TNFSF14: variants seen among roughly 807,000 people sequenced by gnomAD.
TNFSF14 encodes TNF superfamily member 14.
In TNFSF14, 15 loss-of-function variants were observed where a neutral mutation model predicts 22.7. That is an observed-to-expected ratio of 0.66 (90% CI 0.44 to 1.02). The LOEUF (loss-of-function observed/expected upper bound fraction) is 1.02. Among genes scored for constraint, TNFSF14 ranks in the 50% least tolerant of loss-of-function variants. The pLI is 0.00. For synonymous variants in TNFSF14, 133 were observed against 139.6 expected (o/e 0.95, Z 0.33); for missense variants, 287 against 326.2 (o/e 0.88, Z 0.93).
rs369516171 is a variant in TNFSF14, at chr19:6,664,832, G to T, written c.*94C>A. Reference sequence around the variant, plus strand: ...TGGGATTACAGGCGAGAGCCACCACGCCCAGCCTCTGCTTCGTGAGTTTTC... The same window carrying T: ...TGGGATTACAGGCGAGAGCCACCACTCCCAGCCTCTGCTTCGTGAGTTTTC... On this transcript the variant is annotated 3_prime_UTR_variant, in exon 4 of 4. Coordinates refer to ENST00000675206, the MANE Select transcript of TNFSF14 (RefSeq NM_001376887.1). This position sits in a 1 kb window ranked among gnomAD's most constrained non-coding sequence, Gnocchi z 4.7. The T allele has an allele frequency of 2.0e-6, 3 of 1,468,110 alleles. No homozygotes were observed. In the East Asian group the frequency reaches 6.9e-5, roughly 34 times the overall value. 90.9% of individuals were successfully genotyped at this position (1,468,110 alleles called of 1,614,324 possible). A position where few individuals can be genotyped will look rare whatever the true frequency, so the allele number is the denominator to read the frequency against.
At position 6,670,093 on chromosome 19, in the gene TNFSF14, T is replaced by C. The variant is rs116334574; in HGVS notation, c.-24A>G. 7.4e-4 allele frequency: 1,184 copies of C among 1,609,624 alleles called. 7 individuals are homozygous for C. In the African/African-American group the frequency reaches 0.014, roughly 19 times the overall value. ...ATGCCCAAGGTGTCTGGAGCAGGGC[T>C]GACACGCCTGGGTCCTTCAACCTCA... On this transcript the variant is annotated 5_prime_UTR_variant, in exon 1 of 4. Transcript: ENST00000675206.
chr19:6,670,415 GC>G, upstream of TNFSF14: 1 of 445,008 alleles, frequency 2.2e-6, no homozygotes, highest in Non-Finnish European at 3.3e-6. Flanking sequence ...AGGACTTTCT[GC>G]CCATGCCAGG....
rs1470578517 is a variant in TNFSF14 at position 6,670,097 on chromosome 19, A to G, written c.-28T>C. On this transcript the variant is annotated 5_prime_UTR_variant, in exon 1 of 4. Transcript: ENST00000675206. ...CCAAGGTGTCTGGAGCAGGGCTGAC[A>G]CGCCTGGGTCCTTCAACCTCAGAGG... The G allele has an allele frequency of 3.7e-6, 6 of 1,607,374 alleles. No homozygotes were observed. In the African/African-American group the frequency reaches 8.0e-5, roughly 21 times the overall value.
At chr19:6,669,802 G>T in intron 1 of TNFSF14, 49 bp downstream of exon 1, 1 of 1,595,550 alleles carries the variant, frequency 6.3e-7, no homozygotes. Context: ...AATGACACAG[G>T]GGAGCCCCCC....
rs1056159361 is a variant in TNFSF14, at chr19:6,670,105, G to T, written c.-36C>A. 1 of 1,605,924 alleles carries T rather than the reference G, an allele frequency of 6.2e-7. No homozygotes were observed. The highest frequency in any genetic ancestry group is 1.3e-5 in the African/African-American group (1 of 74,754). On this transcript the variant is annotated 5_prime_UTR_variant, in exon 1 of 4. Coordinates refer to ENST00000675206, the MANE Select transcript of TNFSF14 (RefSeq NM_001376887.1). ...TCTGGAGCAGGGCTGACACGCCTGG[G>T]TCCTTCAACCTCAGAGGAAACCGAA...
In TNFSF14 at chr19:6,665,309, A is replaced by G. The variant is rs769901088; in HGVS notation, c.340T>C (p.Trp114Arg). 1.2e-6 allele frequency: 2 copies of G among 1,607,960 alleles called. No homozygotes were observed. Among genetic ancestry groups the G allele is most frequent in the East Asian group, 4.5e-5 (2 of 44,744 alleles). Reference protein sequence around the residue: ...SLTGSGGPLLWETQLGLAFLR... With the variant: ...SLTGSGGPLLRETQLGLAFLR... ...AAGGCCAGGCCCAGCTGAGTCTCCCATAACAGCGGCCCCCCGCTGCCGGTC... is the reference window on the plus strand; with the variant it reads ...AAGGCCAGGCCCAGCTGAGTCTCCCGTAACAGCGGCCCCCCGCTGCCGGTC... The change falls in exon 4 of 4, where the codon TGG becomes CGG. Residue 114 changes from tryptophan (W) to arginine (R), a missense_variant. Trp to Arg is a moderately radical substitution (Grantham distance 101). Transcript: ENST00000675206.
intron 1 of TNFSF14, among the ~76,000 whole-genome samples, chr19:6,667,795 C>T (rs1459748815): frequency 2.6e-5 from 4 of 152,248 alleles, no homozygotes; most frequent in Non-Finnish European, 5.9e-5. Flanking sequence ...AATCCCAGCA[C>T]TTCGGGAGGC....
At chr19:6,667,189 C>T in intron 2 of TNFSF14, 35 bp from the exon 3 acceptor site, 1 of 1,535,964 alleles carries the variant, frequency 6.5e-7, no homozygotes. Context: ...GAGACGAAGA[C>T]AGTGGAGGTA....
In TNFSF14 at chr19:6,662,961, C is replaced by T. The variant is rs1917284602; in HGVS notation, c.*1965G>A. 1 of 152,198 alleles carries T rather than the reference C, an allele frequency of 6.6e-6. No homozygotes were observed. Among genetic ancestry groups the T allele is most frequent in the Non-Finnish European group, 1.5e-5 (1 of 68,042 alleles). 9.4% of individuals were successfully genotyped at this position (152,198 alleles called of 1,614,324 possible). On this transcript the variant is annotated 3_prime_UTR_variant, in exon 4 of 4. Transcript: ENST00000675206. The stretch of plus-strand genomic sequence containing the variant: ...GACTTGAGCCAACTGGGTCCAGGTT[C>T]CTCATCTGTAGAATGACCTCCATGG...
At chr19:6,667,676 C>G (rs1322097040) in intron 1 of TNFSF14, among the ~76,000 whole-genome samples, 2 of 152,218 alleles carry the variant, frequency 1.3e-5, no homozygotes, top group Non-Finnish European at 2.9e-5. Flanking sequence ...CGAATCGTGT[C>G]TGCTTGGCGT....
rs1403969400 is a variant in TNFSF14 at position 6,662,908 on chromosome 19, C to T, written c.*2018G>A. The T allele has an allele frequency of 6.6e-6, 1 of 152,170 alleles. No homozygotes were observed. The highest frequency in any genetic ancestry group is 1.5e-5 in the Non-Finnish European group (1 of 68,054). The allele number at this position is 152,170 out of a possible 1,614,324, so 9.4% of individuals were successfully genotyped here. ...AGGAAGCCAGATCCAGACGTGAGGT[C>T]TCTGGTTTCCCCCACATTTCCTGCA... is the stretch of plus-strand genomic sequence containing the variant. On this transcript the variant is annotated 3_prime_UTR_variant, in exon 4 of 4. Coordinates refer to ENST00000675206, the MANE Select transcript of TNFSF14 (RefSeq NM_001376887.1).
chr19:6,669,072 C>A (rs1897591156), intron 1 of TNFSF14, among the ~76,000 whole-genome samples: 1 of 152,204 alleles, frequency 6.6e-6, no homozygotes, highest in Admixed American at 6.5e-5. Context: ...ACACATAGAC[C>A]CCCAGGTGAG....
chr19:6,663,229 T>A lies in TNFSF14; in HGVS notation c.*1697A>T, dbSNP rs879897762. 1.3e-5 allele frequency: 2 copies of A among 152,306 alleles called. No homozygotes were observed. The highest frequency in any genetic ancestry group is 2.9e-5 in the Non-Finnish European group (2 of 68,070). The allele number at this position is 152,306 out of a possible 1,614,324, so 9.4% of individuals were successfully genotyped here. A position where few individuals can be genotyped will look rare whatever the true frequency, so the allele number is the denominator to read the frequency against. ...GTCTGGTCCTCACCCCGAGATGTGT[T>A]AGTCTGGGCTGGGGAGGGCCCTCAG... On this transcript the variant is annotated 3_prime_UTR_variant, in exon 4 of 4. Transcript: ENST00000675206.
chr19:6,665,223 G>A lies in TNFSF14; in HGVS notation c.426C>T (p.Tyr142=). ...CGCCCAGCTGCACCTTGGAGTAGAT[G>A]TAGTAGTAGCCAGCTTTGGTGACCA... is the stretch of plus-strand genomic sequence containing the variant. ...ALVVTKAGYY[Y]IYSKVQLGGV... Residue 142 remains tyrosine (Y), a synonymous_variant, in exon 4 of 4, where the codon TAC becomes TAT. Transcript: ENST00000675206. The A allele has an allele frequency of 1.9e-6, 3 of 1,614,168 alleles. No homozygotes were observed. The highest frequency in any genetic ancestry group is 1.7e-6 in the Non-Finnish European group (2 of 1,180,042).
rs79452416 is a variant in TNFSF14 at position 6,664,944 on chromosome 19, G to A, written c.705C>T (p.Phe235=). The A allele has an allele frequency of 1.8e-3, 2,833 of 1,597,244 alleles. 26 individuals carry two copies. The highest frequency in any genetic ancestry group is 0.017 in the African/African-American group (1,307 of 74,750). ...VRLRDGTRSY[F]GAFMV is the part of the protein sequence containing the mutation. ...CCTTCCTTCACACCATGAAAGCCCCGAAGTAAGACCGGGTACCATCACGCA... is the reference window on the plus strand; with the variant it reads ...CCTTCCTTCACACCATGAAAGCCCCAAAGTAAGACCGGGTACCATCACGCA... Residue 235 remains phenylalanine (F), a synonymous_variant, in exon 4 of 4, where the codon TTC becomes TTT. Coordinates refer to ENST00000675206, the MANE Select transcript of TNFSF14 (RefSeq NM_001376887.1). The surrounding 1 kb of genome is among the most constrained non-coding windows in gnomAD (Gnocchi z 4.7).
rs142195140 is a variant in TNFSF14, at chr19:6,667,447, G to A, written c.222C>T (p.Asp74=). Residue 74 remains aspartate (D), a splice_region_variant and synonymous_variant, in exon 2 of 4, where the codon GAC becomes GAT. Coordinates refer to ENST00000675206, the MANE Select transcript of TNFSF14 (RefSeq NM_001376887.1). ...GCTGCTCCCAGGAGCCTGCAGGTCC[G>A]TCCTGAAAATGCAGAAGGGGCCTGC... The part of the protein sequence containing the change: ...RLGEMVTRLP[D]GPAGSWEQLI... The A allele has an allele frequency of 2.4e-4, 378 of 1,564,946 alleles. 1 individual carries two copies. The African/African-American group carries it at 2.9e-3, about 12-fold the overall frequency.
intron 3 of TNFSF14, among the ~76,000 whole-genome samples, chr19:6,666,006 A>C (rs1917414094): frequency 6.6e-6 from 1 of 152,038 alleles, no homozygotes; most frequent in Non-Finnish European, 1.5e-5. Context: ...CAGGGAAGCA[A>C]ATTAACTTGC....
Position 6,665,264 on chromosome 19 carries a change from G to A in TNFSF14, c.385C>T (p.His129Tyr). Residue 129 changes from histidine (H) to tyrosine (Y), a missense_variant, in exon 4 of 4, where the codon CAC becomes TAC. Transcript: ENST00000675206. ...TTGGTGACCACAAGGGCCCCATCGT[G>A]GTAGCTGAGGCCCCTCAGGAAGGCC... ...GLAFLRGLSYHDGALVVTKAG... is the reference protein window; with the variant it reads ...GLAFLRGLSYYDGALVVTKAG... 1.2e-6 allele frequency: 2 copies of A among 1,613,776 alleles called. No homozygotes were observed. The highest frequency in any genetic ancestry group is 1.7e-6 in the Non-Finnish European group (2 of 1,179,972).
upstream of TNFSF14, chr19:6,670,225 C>A (rs1917567067): frequency 6.9e-7 from 1 of 1,443,096 alleles, no homozygotes; most frequent in South Asian, 1.4e-5. Context: ...CCCCACTCAC[C>A]CTCCTCTTCT....
Sources: gnomAD v4.1 joint callset for allele counts (sites outside exome capture counted in the v4.1 genomes callset) on GRCh38, gnomAD v4.1.1 for gene constraint, Gnocchi (gnomAD v3.1) non-coding constraint, MANE v1.5 for transcripts, NCBI Gene and HGNC (gene_info 2026-07-23, HGNC 2026-07-21) for gene names.